The following FOCAD variants were observed in gnomAD, a reference collection of about 807,000 sequenced individuals.
FOCAD encodes the protein focadhesin, also known as KIAA1797.
In FOCAD, 198 loss-of-function variants were observed where a neutral mutation model predicts 225.6. The ratio of observed to expected loss-of-function variants is 0.88; its 90% CI spans 0.78 to 0.99. The LOEUF is 0.99. FOCAD is among the 50% of genes least tolerant of loss of function. The pLI is 0.00. For synonymous variants in FOCAD, 897 were observed against 755.0 expected (o/e 1.19, Z -3.08); for missense variants, 2,713 against 2,123.6 (o/e 1.28, Z -5.46).
At chr9:20,724,255 T>C (rs1308181138) in intron 4 of FOCAD, among the ~76,000 whole-genome samples, 2 of 152,196 alleles carry the variant, frequency 1.3e-5, no homozygotes, top group African/African-American at 2.4e-5. Context: ...TAATATTCCA[T>C]TGTGTGGATG....
chr9:20,763,101 A>G (rs1829758735), intron 6 of FOCAD, among the ~76,000 whole-genome samples: 1 of 152,220 alleles, frequency 6.6e-6, no homozygotes, highest in Non-Finnish European at 1.5e-5. Context: ...TTCCTTATAT[A>G]TAAGAATGTG....
intron 21 of FOCAD, among the ~76,000 whole-genome samples, chr9:20,892,953 A>G (rs10738569): frequency 0.82 from 124,599 of 152,090 alleles, 51,239 homozygotes; most frequent in Admixed American, 0.88. Context: ...CCTTCCACTC[A>G]CAAAAATATT....
At chr9:20,814,291 T>G (rs949714396) in intron 11 of FOCAD, among the ~76,000 whole-genome samples, 4 of 152,164 alleles carry the variant, frequency 2.6e-5, no homozygotes, top group Non-Finnish European at 4.4e-5. Context: ...TGCTGTCTTC[T>G]TTTATGTTTC....
At chr9:20,823,853 A>T (rs888466730) in intron 15 of FOCAD, among the ~76,000 whole-genome samples, 1 of 152,122 alleles carries the variant, frequency 6.6e-6, no homozygotes, top group Non-Finnish European at 1.5e-5. Context: ...AGTGACAGCC[A>T]TATTGAGCGT....
intron 22 of FOCAD, among the ~76,000 whole-genome samples, chr9:20,911,341 G>T (rs972723777): frequency 2.6e-5 from 4 of 152,052 alleles, no homozygotes; most frequent in East Asian, 3.9e-4. Flanking sequence ...ATGGTGAGTC[G>T]GGAGTTGTGC....
At chr9:20,918,296 C>T (rs1834042156) in intron 24 of FOCAD, among the ~76,000 whole-genome samples, 1 of 152,180 alleles carries the variant, frequency 6.6e-6, no homozygotes, top group East Asian at 1.9e-4. Flanking sequence ...TGCAATTTTC[C>T]ATTCTAAAAT....
intron 1 of FOCAD, among the ~76,000 whole-genome samples, chr9:20,702,440 T>A (rs537319499): frequency 1.4e-4 from 21 of 152,176 alleles, no homozygotes; most frequent in Non-Finnish European, 1.8e-4. Context: ...GTCAACTGTA[T>A]CTATACTTTA....
chr9:20,942,724 T>C (rs1836794907), intron 28 of FOCAD, among the ~76,000 whole-genome samples: 2 of 152,150 alleles, frequency 1.3e-5, no homozygotes, highest in South Asian at 4.1e-4. Context: ...CAGCAGATAC[T>C]GTGGTAGGGA....
chr9:20,762,610 A>G (rs923304081), intron 6 of FOCAD, among the ~76,000 whole-genome samples: 10 of 152,350 alleles, frequency 6.6e-5, no homozygotes, highest in African/African-American at 2.4e-4. Context: ...TCACATTGCT[A>G]TGAAATGTAT....
At chr9:20,788,967 G>C (rs1042086697) in intron 10 of FOCAD, among the ~76,000 whole-genome samples, 4 of 152,116 alleles carry the variant, frequency 2.6e-5, no homozygotes, top group Non-Finnish European at 5.9e-5. Flanking sequence ...CTAGGGCCTG[G>C]AGCTGGGCAA....
At chr9:20,951,862 C>T (rs1017280502) in intron 34 of FOCAD, among the ~76,000 whole-genome samples, 2 of 152,156 alleles carry the variant, frequency 1.3e-5, no homozygotes, top group African/African-American at 4.8e-5. Flanking sequence ...CAGAGAGGTT[C>T]AGGTACCAAT....
chr9:20,660,888 AAGAGAG>A (rs147407505), intron 2 of FOCAD, among the ~76,000 whole-genome samples: 1 of 150,754 alleles, frequency 6.6e-6, no homozygotes, highest in African/African-American at 2.4e-5. Flanking sequence ...GTCAAAGAGA[AAGAGAG>A]AGAGAGAGAG....
intron 25 of FOCAD, among the ~76,000 whole-genome samples, chr9:20,925,505 A>T (rs1227106251): frequency 6.6e-6 from 1 of 152,174 alleles, no homozygotes; most frequent in Non-Finnish European, 1.5e-5. Context: ...ACTCAATGCA[A>T]ATTCAAGACC....
chr9:20,664,941 A>T (rs917309157), intron 2 of FOCAD, among the ~76,000 whole-genome samples: 1 of 132,428 alleles, frequency 7.6e-6, no homozygotes, highest in Non-Finnish European at 1.6e-5. Flanking sequence ...AATGTTATAC[A>T]TAGTGGAAAA....
chr9:20,985,064 A>T lies in FOCAD; in HGVS notation c.4729-1224A>T, dbSNP rs578071593. ...TGATCCTCCTGCCTTGGCCTCCCAA[A>T]GCGCTGTGATTACAGGCCTGAGCCA... On this transcript the variant is annotated intron_variant, in intron 39 of 43. Coordinates refer to ENST00000338382, the MANE Select transcript of FOCAD (RefSeq NM_001375567.1). 2.6e-5 allele frequency among the ~76,000 whole-genome samples: 4 copies of T among 152,310 alleles called. No individual in the cohort carries two copies. The South Asian group carries it at 8.3e-4, about 32-fold the overall frequency.
At chr9:20,834,838 A>G (rs2026994) in intron 15 of FOCAD, among the ~76,000 whole-genome samples, 95,864 of 151,980 alleles carry the variant, frequency 0.63, 30,456 homozygotes, top group Admixed American at 0.69. Context: ...GCTAATCCCA[A>G]TTGTGATGTG....
At chr9:20,873,929 A>G (rs1417269787) in intron 18 of FOCAD, 1 of 152,158 alleles carries the variant, frequency 6.6e-6, no homozygotes, top group Non-Finnish European at 1.5e-5. Flanking sequence ...AATTATCTCC[A>G]TGTGGACATT....
At chr9:20,893,947 A>C (rs1831851637) in intron 21 of FOCAD, among the ~76,000 whole-genome samples, 1 of 152,194 alleles carries the variant, frequency 6.6e-6, no homozygotes, top group Non-Finnish European at 1.5e-5. Flanking sequence ...GAACAAATGC[A>C]TAGTGGCATG....
intron 11 of FOCAD, among the ~76,000 whole-genome samples, chr9:20,811,214 AT>A (rs1823033731): frequency 6.6e-6 from 1 of 152,082 alleles, no homozygotes; most frequent in Non-Finnish European, 1.5e-5. Flanking sequence ...GGTCTATGAG[AT>A]GTCATCCCTG....
Sources: allele counts gnomAD v4.1 joint callset (sites outside exome capture counted in the v4.1 genomes callset), GRCh38; gene constraint gnomAD v4.1.1; transcripts MANE v1.5; gene names NCBI Gene and HGNC (gene_info 2026-07-23, HGNC 2026-07-21).